NPEPPS: variants seen among roughly 807,000 people sequenced by gnomAD.
The protein encoded by NPEPPS is aminopeptidase puromycin sensitive, also known as puromycin-sensitive aminopeptidase.
NPEPPS carries 14 observed loss-of-function variants against 115.5 expected under a neutral mutation model. The ratio of observed to expected loss-of-function variants is 0.12; its 90% CI spans 0.08 to 0.19. The LOEUF (loss-of-function observed/expected upper bound fraction) is 0.19. Ranked by LOEUF, NPEPPS falls within the 10% of genes least tolerant of loss-of-function variation. The pLI is 1.00. For missense variants in NPEPPS, 523 were observed against 1,110.8 expected (o/e 0.47, Z 7.52); for synonymous variants, 285 against 390.6 (o/e 0.73, Z 3.19).
intron 13 of NPEPPS, among the ~76,000 whole-genome samples, chr17:47,598,475 T>G (rs1294176861): frequency 6.6e-6 from 1 of 151,616 alleles, no homozygotes; most frequent in Non-Finnish European, 1.5e-5. Context: ...GACCATGTAT[T>G]AAAAAACAAA....
At chr17:47,614,153 G>A (rs1049386304) in intron 19 of NPEPPS, among the ~76,000 whole-genome samples, 1 of 151,888 alleles carries the variant, frequency 6.6e-6, no homozygotes, top group East Asian at 1.9e-4. Flanking sequence ...TGTGTTTTTT[G>A]TAGAGAGAAG....
At chr17:47,561,937 C>T (rs569421248) in intron 2 of NPEPPS, among the ~76,000 whole-genome samples, 182 of 152,318 alleles carry the variant, frequency 1.2e-3, no homozygotes, top group African/African-American at 4.2e-3. Context: ...TATTTCTACA[C>T]GGTTGTCCAT....
At chr17:47,558,907 G>A (rs893405498) in intron 2 of NPEPPS, among the ~76,000 whole-genome samples, 2 of 152,126 alleles carry the variant, frequency 1.3e-5, no homozygotes, top group African/African-American at 4.8e-5. Context: ...GGTGGCGCAT[G>A]CCTGTAGTCC....
chr17:47,525,724 G>A (rs555070399), intron 1 of NPEPPS, among the ~76,000 whole-genome samples: 1 of 152,208 alleles, frequency 6.6e-6, no homozygotes, highest in South Asian at 2.1e-4. Flanking sequence ...TTCTCTATGG[G>A]GCATACATCT....
rs564242720 is a variant in NPEPPS at position 47,563,167 on chromosome 17, G to C, written c.341-6250G>C. 7.0e-4 allele frequency among the ~76,000 whole-genome samples: 107 copies of C among 151,966 alleles called. 1 individual carries two copies. Among genetic ancestry groups the C allele is most frequent in the Admixed American group, 1.4e-3 (21 of 15,246 alleles). On this transcript the variant is annotated intron_variant, in intron 2 of 22. Transcript: ENST00000322157. Reference sequence around the variant, plus strand: ...CTGCCTCAGCCTCCTGAGTAGCTGGGATTACAGGCGTGCACCACCACGCCT... The same window carrying C: ...CTGCCTCAGCCTCCTGAGTAGCTGGCATTACAGGCGTGCACCACCACGCCT...
intron 16 of NPEPPS, among the ~76,000 whole-genome samples, chr17:47,604,475 A>G (rs1037761379): frequency 6.6e-6 from 1 of 152,228 alleles, no homozygotes; most frequent in African/African-American, 2.4e-5. Flanking sequence ...CATTAGCTTT[A>G]GAATTATATT....
chr17:47,621,746 A>G, intron 22 of NPEPPS, 22 bp from the exon 23 acceptor site: 1 of 1,590,870 alleles, frequency 6.3e-7, no homozygotes. Context: ...ATGATCCTGC[A>G]TTCTGGGTTG....
intron 1 of NPEPPS, among the ~76,000 whole-genome samples, chr17:47,536,859 G>C (rs1285180160): frequency 6.6e-6 from 1 of 151,542 alleles, no homozygotes; most frequent in Non-Finnish European, 1.5e-5. Flanking sequence ...TTACAGGCGC[G>C]CACCACCAAG....
chr17:47,615,081 T>TTC (rs1361087337), intron 19 of NPEPPS, among the ~76,000 whole-genome samples: 978 of 45,394 alleles, frequency 0.022, 6 homozygotes, highest in South Asian at 0.074. Context: ...TTCTTTTTTT[T>TTC]TTTTTTTTTT....
chr17:47,534,628 G>C (rs752408606), intron 1 of NPEPPS, among the ~76,000 whole-genome samples: 1 of 151,760 alleles, frequency 6.6e-6, no homozygotes, highest in East Asian at 2.0e-4. Context: ...GTGTGATCTC[G>C]ACTCACTGCA....
intron 12 of NPEPPS, 163 bp from the exon 13 acceptor site, chr17:47,596,190 G>T (rs868869069): frequency 1.9e-6 from 1 of 513,198 alleles, no homozygotes; most frequent in East Asian, 3.4e-5. Flanking sequence ...TTACTTAGTT[G>T]CAGAAGAGGG....
Position 47,623,011 on chromosome 17 carries a change from A to C in NPEPPS, c.*1091A>C. 2.5e-6 allele frequency: 1 copy of C among 398,136 alleles called. No homozygotes were observed. Among genetic ancestry groups the C allele is most frequent in the South Asian group, 1.7e-5 (1 of 59,942 alleles). 24.7% of individuals were successfully genotyped at this position (398,136 alleles called of 1,614,324 possible). Reference sequence around the variant, plus strand: ...TGTGTGTGCCACTGTTTGCTTCAACAGTATATCCTAATAAGCCTCACCTAT... The same window carrying C: ...TGTGTGTGCCACTGTTTGCTTCAACCGTATATCCTAATAAGCCTCACCTAT... On this transcript the variant is annotated 3_prime_UTR_variant, in exon 23 of 23. Transcript: ENST00000322157.
Position 47,552,399 on chromosome 17 carries a change from G to A in NPEPPS, c.340+6406G>A, listed in dbSNP as rs556517874. ...TAAAGAAATGTCAGCATTAGAAGGA[G>A]CAAGTGATAGTTAGCCAGCCCCTTT... is the stretch of plus-strand genomic sequence containing the variant. On this transcript the variant is annotated intron_variant, in intron 2 of 22. Coordinates refer to ENST00000322157, the MANE Select transcript of NPEPPS (RefSeq NM_006310.4). 2.0e-5 allele frequency among the ~76,000 whole-genome samples: 3 copies of A among 152,332 alleles called. No homozygotes were observed. The South Asian group carries it at 6.2e-4, about 32-fold the overall frequency.
At chr17:47,531,769 AGGCTGGGGCTCG>A (rs1041289508) in intron 1 of NPEPPS, among the ~76,000 whole-genome samples, 1 of 151,400 alleles carries the variant, frequency 6.6e-6, no homozygotes, top group Non-Finnish European at 1.5e-5. Context: ...GCCGGAGCTG[AGGCTGGGGCTCG>A]GGCTGGGGCC....
At chr17:47,560,613 A>G (rs1910366052) in intron 2 of NPEPPS, among the ~76,000 whole-genome samples, 1 of 152,166 alleles carries the variant, frequency 6.6e-6, no homozygotes, top group Non-Finnish European at 1.5e-5. Context: ...TCCATTTTTC[A>G]CTTGAATCCC....
At chr17:47,555,692 C>T (rs563312870) in intron 2 of NPEPPS, among the ~76,000 whole-genome samples, 9 of 151,742 alleles carry the variant, frequency 5.9e-5, no homozygotes, top group Admixed American at 1.3e-4. Context: ...TAGTTGTTCT[C>T]CAAATCAATG....
At chr17:47,526,061 A>C (rs1400148062) in intron 1 of NPEPPS, among the ~76,000 whole-genome samples, 2 of 152,110 alleles carry the variant, frequency 1.3e-5, no homozygotes, top group Non-Finnish European at 2.9e-5. Context: ...AAATACAAAA[A>C]ATTAGCCAGA....
At chr17:47,616,166 GAAGGACTTAGTC>G (rs1326951676) in intron 19 of NPEPPS, among the ~76,000 whole-genome samples, 1 of 152,164 alleles carries the variant, frequency 6.6e-6, no homozygotes, top group Non-Finnish European at 1.5e-5. Flanking sequence ...CCAGAGGGAT[GAAGGACTTAGTC>G]AAGATCACAC....
chr17:47,604,727 T>C (rs974371835), intron 16 of NPEPPS, among the ~76,000 whole-genome samples: 3 of 152,230 alleles, frequency 2.0e-5, no homozygotes, highest in Non-Finnish European at 2.9e-5. Flanking sequence ...GCTGATCTAA[T>C]TGCTGAGAGA....
Sources: allele counts gnomAD v4.1 joint callset (sites outside exome capture counted in the v4.1 genomes callset), GRCh38; gene constraint gnomAD v4.1.1; transcripts MANE v1.5; gene names NCBI Gene and HGNC (gene_info 2026-07-23, HGNC 2026-07-21).